Variants in HIF1A observed in about 807,000 individuals in gnomAD.
HIF1A encodes hypoxia inducible factor 1 subunit alpha.
Under a neutral mutation model 92.7 loss-of-function variants are expected in HIF1A, and 24 were observed. The observed-to-expected ratio is 0.26, with a 90% confidence interval of 0.19 to 0.36. The LOEUF (loss-of-function observed/expected upper bound fraction) is 0.36. Ranked by LOEUF, HIF1A falls within the 10% of genes least tolerant of loss-of-function variation. HIF1A has a pLI of 1.00. For synonymous variants in HIF1A, 319 were observed against 338.7 expected (o/e 0.94, Z 0.64); for missense variants, 799 against 998.5 (o/e 0.80, Z 2.69).
chr14:61,716,074 T>A (rs2044360133), intron 1 of HIF1A, among the ~76,000 whole-genome samples: 1 of 152,184 alleles, frequency 6.6e-6, no homozygotes, highest in African/African-American at 2.4e-5. Context: ...TTTGCATTTT[T>A]CTTGGGCCTG....
chr14:61,738,424 C>G (rs1401908502), intron 10 of HIF1A, 51 bp downstream of exon 10: 15 of 1,407,142 alleles, frequency 1.1e-5, no homozygotes, highest in Non-Finnish European at 1.3e-5. Flanking sequence ...TTTTAACATT[C>G]AAGAATGTAT....
At chr14:61,710,246 A>C (rs1157662668) in intron 1 of HIF1A, among the ~76,000 whole-genome samples, 1 of 152,084 alleles carries the variant, frequency 6.6e-6, no homozygotes, top group Admixed American at 6.6e-5. Context: ...ATGGAAAGAC[A>C]ATTTCTGTGA....
intron 13 of HIF1A, 74 bp from the exon 14 acceptor site, chr14:61,745,617 C>A: frequency 8.2e-7 from 1 of 1,221,044 alleles, no homozygotes; most frequent in Non-Finnish European, 1.2e-6. Flanking sequence ...TAAATTTACA[C>A]CAATTTCAAG....
At position 61,735,253 on chromosome 14, in the gene HIF1A, C is replaced by T. The variant is rs183366202; in HGVS notation, c.1028+968C>T. Among the ~76,000 whole-genome samples the T allele has an allele frequency of 3.5e-4, 54 of 152,314 alleles. No individual in the cohort carries two copies. The East Asian group carries it at 6.0e-3, about 17-fold the overall frequency. Reference sequence around the variant, plus strand: ...GCATCCTTGTTTACCATCATACTCACGCATTAGAGATTTAGCCTTCCCTTT... The same window carrying T: ...GCATCCTTGTTTACCATCATACTCATGCATTAGAGATTTAGCCTTCCCTTT... On this transcript the variant is annotated intron_variant, in intron 8 of 14. Coordinates refer to ENST00000337138, the MANE Select transcript of HIF1A (RefSeq NM_001530.4).
chr14:61,717,629 A>C (rs2044378089), intron 1 of HIF1A, among the ~76,000 whole-genome samples: 2 of 152,176 alleles, frequency 1.3e-5, no homozygotes, highest in African/African-American at 4.8e-5. Context: ...TGTCTTAGAC[A>C]CTTATTGCCA....
intron 6 of HIF1A, among the ~76,000 whole-genome samples, chr14:61,728,053 T>TA (rs1348036539): frequency 5.9e-5 from 9 of 151,970 alleles, no homozygotes; most frequent in African/African-American, 2.2e-4. Context: ...AATGTTAAAC[T>TA]ATACTTTCCA....
chr14:61,733,305 C>T (rs1163891381), intron 7 of HIF1A, among the ~76,000 whole-genome samples: 6 of 152,156 alleles, frequency 3.9e-5, no homozygotes, highest in African/African-American at 1.4e-4. Context: ...AGGCTGGTCT[C>T]GAACTCCTGA....
chr14:61,738,737 A>C (rs1483236317), intron 10 of HIF1A, among the ~76,000 whole-genome samples: 1 of 151,994 alleles, frequency 6.6e-6, no homozygotes, highest in African/African-American at 2.4e-5. Context: ...TACCCCTTTT[A>C]GTTTGTTTTA....
intron 4 of HIF1A, among the ~76,000 whole-genome samples, chr14:61,723,843 CACAA>C (rs1254680121): frequency 6.6e-6 from 1 of 152,128 alleles, no homozygotes; most frequent in East Asian, 1.9e-4. Flanking sequence ...TTTTAAAGCA[CACAA>C]ACATTTTGAA....
intron 12 of HIF1A, among the ~76,000 whole-genome samples, chr14:61,741,806 T>G (rs900444862): frequency 6.6e-6 from 1 of 152,228 alleles, no homozygotes; most frequent in Non-Finnish European, 1.5e-5. Context: ...TACAGTTGTT[T>G]AAATCAGACT....
rs2044105822 is a variant in HIF1A, at chr14:61,695,784, C to T, written c.-21C>T. On this transcript the variant is annotated 5_prime_UTR_variant, in exon 1 of 15. Coordinates refer to ENST00000337138, the MANE Select transcript of HIF1A (RefSeq NM_001530.4). Reference sequence around the variant, plus strand: ...GCCTGGGGGCCGCCCGCCGTGAAGACATCGCGGGGACCGATTCACCATGGA... The same window carrying T: ...GCCTGGGGGCCGCCCGCCGTGAAGATATCGCGGGGACCGATTCACCATGGA... The T allele has an allele frequency of 6.3e-7, 1 of 1,594,448 alleles. No individual in the cohort carries two copies. The highest frequency in any genetic ancestry group is 8.5e-7 in the Non-Finnish European group (1 of 1,172,234).
rs776881847 is a variant in HIF1A, at chr14:61,736,982, A to G, written c.1122A>G (p.Leu374=). 5.6e-6 allele frequency: 9 copies of G among 1,613,826 alleles called. No individual in the cohort carries two copies. The highest frequency in any genetic ancestry group is 3.3e-5 in the Admixed American group (2 of 60,004). The change falls in exon 9 of 15, where the codon CTA becomes CTG. Residue 374 remains leucine (L), a synonymous_variant. Transcript: ENST00000337138. ...VESSDMKMTQ[L]FTKVESEDTS... Reference sequence around the variant, plus strand: ...CTTCAGATATGAAAATGACTCAGCTATTCACCAAAGTTGAATCAGAAGATA... The same window carrying G: ...CTTCAGATATGAAAATGACTCAGCTGTTCACCAAAGTTGAATCAGAAGATA...
chr14:61,708,489 A>T (rs2044269116), intron 1 of HIF1A, among the ~76,000 whole-genome samples: 1 of 152,214 alleles, frequency 6.6e-6, no homozygotes, highest in Non-Finnish European at 1.5e-5. Flanking sequence ...CATAAGGTGT[A>T]AGGAAGGGAT....
At chr14:61,729,476 A>C (rs2044548581) in intron 6 of HIF1A, among the ~76,000 whole-genome samples, 1 of 151,478 alleles carries the variant, frequency 6.6e-6, no homozygotes, top group East Asian at 1.9e-4. Context: ...AACAAAAACA[A>C]AACAAAAAAA....
rs186397840 is a variant in HIF1A at position 61,743,162 on chromosome 14, C to T, written c.2094-1543C>T. On this transcript the variant is annotated intron_variant, in intron 12 of 14. Coordinates refer to ENST00000337138, the MANE Select transcript of HIF1A (RefSeq NM_001530.4). ...TCTTGGCTCACCGCAACTGCCGCCT[C>T]GCTGGTTCAAGCAAATCTCGTGCCT... is the stretch of plus-strand genomic sequence containing the variant. Among the ~76,000 whole-genome samples, 15 of 152,198 alleles carry T rather than the reference C, an allele frequency of 9.9e-5. No individual in the cohort carries two copies. The East Asian group carries it at 2.5e-3, about 26-fold the overall frequency.
chr14:61,719,071 A>G (rs868598212), intron 1 of HIF1A, among the ~76,000 whole-genome samples: 5 of 152,174 alleles, frequency 3.3e-5, no homozygotes, highest in Admixed American at 6.5e-5. Flanking sequence ...TGTTGCTTCT[A>G]TGGTTGTACC....
chr14:61,720,317 C>A, intron 1 of HIF1A, 65 bp from the exon 2 acceptor site: 1 of 1,185,434 alleles, frequency 8.4e-7, no homozygotes. Flanking sequence ...AAGTTTTATT[C>A]AAGTTAAGGC....
chr14:61,734,320 AC>A lies in HIF1A; in HGVS notation c.1028+36del, dbSNP rs775997266. ...TTTGAGAAATAAACATTTTTGGGGA[AC>A]AAATAGTAATTCTTTTTGGATACTC... On this transcript the variant is annotated intron_variant, in intron 8 of 14. Coordinates refer to ENST00000337138, the MANE Select transcript of HIF1A (RefSeq NM_001530.4). The A allele has an allele frequency of 3.4e-6, 5 of 1,467,012 alleles. No homozygotes were observed. The African/African-American group carries it at 7.0e-5, about 21-fold the overall frequency. 90.9% of individuals were successfully genotyped at this position (1,467,012 alleles called of 1,614,324 possible).
At chr14:61,719,450 G>C (rs2044401223) in intron 1 of HIF1A, among the ~76,000 whole-genome samples, 1 of 152,146 alleles carries the variant, frequency 6.6e-6, no homozygotes, top group African/African-American at 2.4e-5. Context: ...GTAAAATAGG[G>C]ACAATATTTA....
Sources: gnomAD v4.1 joint callset for allele counts (sites outside exome capture counted in the v4.1 genomes callset) on GRCh38, gnomAD v4.1.1 for gene constraint, MANE v1.5 for transcripts, NCBI Gene and HGNC (gene_info 2026-07-23, HGNC 2026-07-21) for gene names.